CNBD1: variants seen among roughly 807,000 people sequenced by gnomAD.
The protein encoded by CNBD1 is cyclic nucleotide binding domain containing 1.
CNBD1 carries 71 observed loss-of-function variants against 54.4 expected under a neutral mutation model. The observed-to-expected ratio is 1.30, with a 90% CI of 1.08 to 1.59. CNBD1 has a LOEUF of 1.59. Among genes scored for constraint, CNBD1 ranks in the 40% most tolerant of loss-of-function variants. The pLI is 0.00. For missense variants in CNBD1, 659 were observed against 518.0 expected (o/e 1.27, Z -2.64); for synonymous variants, 182 against 170.7 (o/e 1.07, Z -0.51).
chr8:86,959,810 C>T (rs1807880690), intron 4 of CNBD1, among the ~76,000 whole-genome samples: 1 of 152,098 alleles, frequency 6.6e-6, no homozygotes. Context: ...TCCTTTAGCT[C>T]AGAGAAGTTT....
At chr8:87,375,553 G>C (rs897444807) in intron 10 of CNBD1, among the ~76,000 whole-genome samples, 2 of 151,694 alleles carry the variant, frequency 1.3e-5, no homozygotes, top group African/African-American at 4.8e-5. Flanking sequence ...TTTATATATA[G>C]TTTAGGTATC....
At chr8:87,405,975 G>T (rs567498145) in intron 2 of CNBD1, among the ~76,000 whole-genome samples, 1 of 152,260 alleles carries the variant, frequency 6.6e-6, no homozygotes, top group East Asian at 1.9e-4. Flanking sequence ...CCAGTGACAA[G>T]TTGAAATCCC....
intron 4 of CNBD1, among the ~76,000 whole-genome samples, chr8:86,976,088 C>T (rs1808335058): frequency 6.7e-6 from 1 of 149,902 alleles, no homozygotes; most frequent in Non-Finnish European, 1.5e-5. Context: ...CTTGTTTTCT[C>T]ATTGAGTAAT....
chr8:87,427,063 G>T (rs752425935), intron 2 of CNBD1, among the ~76,000 whole-genome samples: 1 of 152,108 alleles, frequency 6.6e-6, no homozygotes. Flanking sequence ...GCATTGAACA[G>T]ATAATGGAAG....
At chr8:86,957,795 A>AT (rs778689344) in intron 4 of CNBD1, among the ~76,000 whole-genome samples, 3 of 151,818 alleles carry the variant, frequency 2.0e-5, no homozygotes, top group Non-Finnish European at 2.9e-5. Flanking sequence ...GGGTTCATCG[A>AT]TTTTTTGTAG....
intron 2 of CNBD1, among the ~76,000 whole-genome samples, chr8:87,389,788 C>A (rs199973525): frequency 2.6e-5 from 4 of 152,086 alleles, no homozygotes; most frequent in East Asian, 1.9e-4. Context: ...CCGCATTGCC[C>A]AGTCAATCCT....
At chr8:87,384,144 G>C (rs568063482), downstream of CNBD1, among the ~76,000 whole-genome samples, 1 of 151,998 alleles carries the variant, frequency 6.6e-6, no homozygotes, top group Non-Finnish European at 1.5e-5. Flanking sequence ...AAAAGGACAA[G>C]AAAAGTTTTA....
At chr8:87,377,562 TTTGTG>T (rs1234338510) in intron 10 of CNBD1, among the ~76,000 whole-genome samples, 3 of 151,882 alleles carry the variant, frequency 2.0e-5, no homozygotes, top group Non-Finnish European at 4.4e-5. Flanking sequence ...TTGTTGGACA[TTTGTG>T]TTGGTTCCAA....
chr8:87,277,026 G>A (rs183220840), intron 6 of CNBD1, among the ~76,000 whole-genome samples: 43 of 151,102 alleles, frequency 2.8e-4, no homozygotes, highest in African/African-American at 9.7e-4. Flanking sequence ...CTATTCAATA[G>A]TTCCTTCTTA....
intron 5 of CNBD1, among the ~76,000 whole-genome samples, chr8:87,228,290 G>T (rs1172998092): frequency 6.6e-6 from 1 of 151,434 alleles, no homozygotes; most frequent in Non-Finnish European, 1.5e-5. Flanking sequence ...GTGATGAGCT[G>T]CATTCCTTTG....
intron 4 of CNBD1, among the ~76,000 whole-genome samples, chr8:87,137,715 A>T (rs1224957998): frequency 1.3e-5 from 2 of 152,152 alleles, no homozygotes; most frequent in Admixed American, 6.6e-5. Flanking sequence ...TTAATAAGAA[A>T]TATCAAATTA....
chr8:87,131,325 T>G lies in CNBD1; in HGVS notation c.432-74668T>G, dbSNP rs111723677. ...AATATTTTACTCTAATTTATCTATT[T>G]GCTTTAAAATTATACTACTTTGGAA... On this transcript the variant is annotated intron_variant, in intron 4 of 10. Coordinates refer to ENST00000518476, the MANE Select transcript of CNBD1 (RefSeq NM_173538.3). Among the ~76,000 whole-genome samples, 498 of 152,222 alleles carry G rather than the reference T, an allele frequency of 3.3e-3. 4 individuals are homozygous for G. Among genetic ancestry groups the G allele is most frequent in the African/African-American group, 0.011 (460 of 41,558 alleles).
intron 6 of CNBD1, among the ~76,000 whole-genome samples, chr8:87,260,268 A>T (rs572124389): frequency 1.5e-4 from 23 of 152,234 alleles, no homozygotes; most frequent in Admixed American, 6.5e-4. Context: ...AAGTACCCCC[A>T]TGTGGTTACA....
intron 5 of CNBD1, among the ~76,000 whole-genome samples, chr8:87,224,721 T>C (rs1248699049): frequency 1.3e-5 from 2 of 151,610 alleles, no homozygotes; most frequent in African/African-American, 2.4e-5. Context: ...GACTTGGCGA[T>C]GCGGGCTCTT....
chr8:87,143,475 A>G (rs1406981315), intron 4 of CNBD1, among the ~76,000 whole-genome samples: 1 of 152,182 alleles, frequency 6.6e-6, no homozygotes, highest in East Asian at 1.9e-4. Context: ...CATTTATATC[A>G]GTCTGATCAA....
chr8:87,312,415 A>G (rs910054249), intron 8 of CNBD1, among the ~76,000 whole-genome samples: 2 of 152,018 alleles, frequency 1.3e-5, no homozygotes, highest in Non-Finnish European at 2.9e-5. Context: ...GCATTTCTAT[A>G]CATTTTGGGT....
chr8:86,977,294 C>T (rs1269393736), intron 4 of CNBD1, among the ~76,000 whole-genome samples: 1 of 151,836 alleles, frequency 6.6e-6, no homozygotes, highest in Non-Finnish European at 1.5e-5. Context: ...ATTTTTGTGT[C>T]ATCCAATCTT....
At chr8:87,314,632 C>T (rs1221423404) in intron 8 of CNBD1, among the ~76,000 whole-genome samples, 1 of 151,782 alleles carries the variant, frequency 6.6e-6, no homozygotes, top group Non-Finnish European at 1.5e-5. Flanking sequence ...ATGATATTAT[C>T]AGATTTGATT....
chr8:87,233,984 C>T (rs1807518548), intron 5 of CNBD1, among the ~76,000 whole-genome samples: 1 of 152,186 alleles, frequency 6.6e-6, no homozygotes, highest in African/African-American at 2.4e-5. Flanking sequence ...ATTCAGTGTT[C>T]ACAACCTACT....
Sources: allele counts gnomAD v4.1 joint callset (sites outside exome capture counted in the v4.1 genomes callset), GRCh38; gene constraint gnomAD v4.1.1; transcripts MANE v1.5; gene names NCBI Gene and HGNC (gene_info 2026-07-23, HGNC 2026-07-21).